UACA: variants seen among roughly 807,000 people sequenced by gnomAD.
The protein encoded by UACA is uveal autoantigen with coiled-coil domains and ankyrin repeats.
UACA carries 112 observed loss-of-function variants against 160.5 expected under a neutral mutation model. The observed-to-expected ratio is 0.70, with a 90% CI of 0.60 to 0.82. UACA has a LOEUF of 0.82. Ranked by LOEUF, UACA falls within the 40% of genes least tolerant of loss-of-function variation. UACA has a pLI of 0.00. For synonymous variants in UACA, 557 were observed against 568.4 expected (o/e 0.98, Z 0.29); for missense variants, 1,574 against 1,614.6 (o/e 0.97, Z 0.43).
the UACA span, among the ~76,000 whole-genome samples, chr15:70,772,517 A>G: frequency 6.9e-6 from 1 of 145,730 alleles, no homozygotes; most frequent in African/African-American, 2.6e-5. Context: ...AAAAAAAAAA[A>G]GAATCTAGGT....
chr15:70,676,663 A>G lies in UACA; in HGVS notation c.1033-72T>C, dbSNP rs558759257. On this transcript the variant is annotated intron_variant, in intron 12 of 18. Coordinates refer to ENST00000322954, the MANE Select transcript of UACA (RefSeq NM_018003.4). ...ATTGGATTAAAAATGTGTTTTAGAAAACGTGAATTGGAATTGCATTGAGGA... is the reference window on the plus strand; with the variant it reads ...ATTGGATTAAAAATGTGTTTTAGAAGACGTGAATTGGAATTGCATTGAGGA... 6.5e-5 allele frequency: 85 copies of G among 1,317,748 alleles called. No individual in the cohort carries two copies. The African/African-American group carries it at 1.1e-3, about 18-fold the overall frequency. The allele number at this position is 1,317,748 out of a possible 1,614,324, so 81.6% of individuals were successfully genotyped here.
rs1896967797 is a variant in UACA at position 70,667,604 on chromosome 15, T to C, written c.3080A>G (p.Lys1027Arg). ...CTTCTTTAACTTGTCATTCTCTTGC[T>C]TGTTTTTCTTGACTTCTTCTTCACT... ...SVSEEEVKKN[K>R]QENDKLKKEI... Residue 1027 changes from lysine to arginine, a missense_variant, in exon 16 of 19, where the codon AAG becomes AGG. Lys to Arg is a conservative substitution (Grantham distance 26). Coordinates refer to ENST00000322954, the MANE Select transcript of UACA (RefSeq NM_018003.4). 6.2e-7 allele frequency: 1 copy of C among 1,613,102 alleles called. No individual in the cohort carries two copies. Among genetic ancestry groups the C allele is most frequent in the Non-Finnish European group, 8.5e-7 (1 of 1,179,976 alleles).
intron 1 of UACA, among the ~76,000 whole-genome samples, chr15:70,707,295 G>A (rs931811587): frequency 9.9e-5 from 15 of 152,112 alleles, no homozygotes; most frequent in Non-Finnish European, 1.5e-5. Flanking sequence ...ATTGATTGAA[G>A]ACCTAAACAT....
the UACA span, among the ~76,000 whole-genome samples, chr15:70,773,031 G>A: frequency 6.8e-6 from 1 of 147,718 alleles, no homozygotes; most frequent in African/African-American, 2.5e-5. Flanking sequence ...AGGCGACAGA[G>A]CAAGACTTCA....
intron 1 of UACA, among the ~76,000 whole-genome samples, chr15:70,708,418 T>G (rs1301828874): frequency 6.6e-6 from 1 of 152,084 alleles, no homozygotes; most frequent in African/African-American, 2.4e-5. Flanking sequence ...TCCAGTATAA[T>G]TAAAAATAAT....
intron 1 of UACA, among the ~76,000 whole-genome samples, chr15:70,716,040 T>C (rs1898811738): frequency 6.6e-6 from 1 of 152,176 alleles, no homozygotes; most frequent in African/African-American, 2.4e-5. Context: ...TGCAATGTGA[T>C]TGTGCCACTC....
chr15:70,723,346 G>A (rs757336259), intron 1 of UACA, among the ~76,000 whole-genome samples: 10 of 152,302 alleles, frequency 6.6e-5, no homozygotes, highest in Non-Finnish European at 1.2e-4. Flanking sequence ...TTAGCCAGGC[G>A]TGGTGGTACA....
chr15:70,686,365 C>A (rs186673596), intron 7 of UACA, among the ~76,000 whole-genome samples: 2 of 151,886 alleles, frequency 1.3e-5, no homozygotes, highest in African/African-American at 4.8e-5. Flanking sequence ...GTAGGGGCTT[C>A]CAAGTCAAAG....
rs1285145823 is a variant in UACA, at chr15:70,727,572, T to C, written c.79-27912A>G. On this transcript the variant is annotated intron_variant, in intron 1 of 18. Coordinates refer to ENST00000322954, the MANE Select transcript of UACA (RefSeq NM_018003.4). The stretch of plus-strand genomic sequence containing the variant: ...ACATTAACAACCTATTTATAAATTA[T>C]ATAAAATGCCTCATCATTGTAGAAA... 5.9e-5 allele frequency among the ~76,000 whole-genome samples: 9 copies of C among 152,328 alleles called. No homozygotes were observed. In the East Asian group the frequency reaches 1.2e-3, roughly 20 times the overall value.
intron 4 of UACA, among the ~76,000 whole-genome samples, chr15:70,690,756 G>A (rs1427930895): frequency 1.3e-5 from 2 of 151,746 alleles, no homozygotes; most frequent in Non-Finnish European, 2.9e-5. Context: ...ATGAAATACA[G>A]GAAAATATGT....
chr15:70,687,967 C>T (rs890904314), intron 5 of UACA, 147 bp from the exon 6 acceptor site: 1 of 687,496 alleles, frequency 1.5e-6, no homozygotes, highest in South Asian at 2.0e-5. Flanking sequence ...ATTATAAGCA[C>T]AATTTTTCAT....
chr15:70,676,567 C>A lies in UACA; in HGVS notation c.1057G>T (p.Ala353Ser), dbSNP rs372300506. Reference protein sequence around the residue: ...SEREKLKSLLAAKEKQHEESL... With the variant: ...SEREKLKSLLSAKEKQHEESL... ...TCTTCATGTTGCTTTTCTTTAGCTGCCAAAAGGGACTTCAGCTTTTCTCTC... is the reference window on the plus strand; with the variant it reads ...TCTTCATGTTGCTTTTCTTTAGCTGACAAAAGGGACTTCAGCTTTTCTCTC... The change falls in exon 13 of 19, where the codon GCA (alanine) becomes TCA (serine). Residue 353 changes from alanine (A) to serine (S), a missense_variant. Transcript: ENST00000322954. 2.0e-5 allele frequency: 33 copies of A among 1,612,308 alleles called. No individual in the cohort carries two copies. The highest frequency in any genetic ancestry group is 2.5e-5 in the Non-Finnish European group (30 of 1,179,530).
intron 14 of UACA, chr15:70,671,299 G>GT: frequency 2.8e-6 from 1 of 354,216 alleles, no homozygotes; most frequent in South Asian, 9.2e-5. Flanking sequence ...CAGATACTAG[G>GT]TTGGTTTTTT....
chr15:70,721,114 G>C (rs16954733), intron 1 of UACA, among the ~76,000 whole-genome samples: 20,609 of 152,150 alleles, frequency 0.14, 1,713 homozygotes, highest in African/African-American at 0.23. Context: ...TGAAACAAAA[G>C]GTTAAAGGGG....
chr15:70,690,150 GT>G (rs1309423226), intron 5 of UACA, among the ~76,000 whole-genome samples: 2 of 151,076 alleles, frequency 1.3e-5, no homozygotes, highest in African/African-American at 4.9e-5. Context: ...TTCTCTCTCT[GT>G]TTCCCTCTCT....
At chr15:70,700,318 T>TATATATATATATATATACATACACACAC (rs565377949) in intron 1 of UACA, among the ~76,000 whole-genome samples, 3 of 139,760 alleles carry the variant, frequency 2.1e-5, no homozygotes, top group African/African-American at 8.8e-5. Flanking sequence ...TATATATATA[T>TATATATATATATATATACATACACACAC]ACACACACAC....
intron 1 of UACA, chr15:70,702,304 A>G (rs779418134): frequency 5.2e-5 from 52 of 1,003,374 alleles, no homozygotes; most frequent in Non-Finnish European, 5.7e-5. Flanking sequence ...GCTGCAGTGC[A>G]TGATAAAACT....
intron 1 of UACA, among the ~76,000 whole-genome samples, chr15:70,727,970 G>A (rs903962807): frequency 1.3e-5 from 2 of 152,074 alleles, no homozygotes; most frequent in Non-Finnish European, 2.9e-5. Flanking sequence ...AAATAACCTG[G>A]TGCATAACAC....
At chr15:70,699,797 C>T in intron 1 of UACA, 137 bp from the exon 2 acceptor site, 1 of 955,118 alleles carries the variant, frequency 1.0e-6, no homozygotes, top group Non-Finnish European at 1.5e-6. Context: ...AAATTTCCTT[C>T]TCCCTTCTGT....
Sources: allele counts gnomAD v4.1 joint callset (sites outside exome capture counted in the v4.1 genomes callset), GRCh38; gene constraint gnomAD v4.1.1; transcripts MANE v1.5; gene names NCBI Gene and HGNC (gene_info 2026-07-23, HGNC 2026-07-21).